Variants in NELL1 observed in about 807,000 individuals in gnomAD.
The protein encoded by NELL1 is protein kinase C-binding protein NELL1.
Under a neutral mutation model 107.4 loss-of-function variants are expected in NELL1, and 76 were observed. That is an observed-to-expected ratio of 0.71 (90% CI 0.59 to 0.86). The LOEUF is 0.86. Ranked by LOEUF, NELL1 falls within the 40% of genes least tolerant of loss-of-function variation. NELL1 has a pLI of 0.00. For synonymous variants in NELL1, 353 were observed against 341.2 expected, an observed-to-expected ratio of 1.03 and a Z score of -0.38; for missense variants, 1,024 against 1,005.5, an observed-to-expected ratio of 1.02 and a Z score of -0.25.
intron 14 of NELL1, among the ~76,000 whole-genome samples, chr11:21,295,004 A>T (rs1315269802): frequency 6.6e-6 from 1 of 152,126 alleles, no homozygotes; most frequent in African/African-American, 2.4e-5. Flanking sequence ...CTGATTTCAG[A>T]TGAAGTTTTC....
At chr11:21,462,919 T>A (rs1274018365) in intron 15 of NELL1, among the ~76,000 whole-genome samples, 2 of 152,024 alleles carry the variant, frequency 1.3e-5, no homozygotes, top group African/African-American at 4.8e-5. Flanking sequence ...TTGACTGTAA[T>A]GGCAGTTTGG....
chr11:21,465,557 A>G (rs2133878228), intron 15 of NELL1, among the ~76,000 whole-genome samples: 1 of 152,134 alleles, frequency 6.6e-6, no homozygotes, highest in South Asian at 2.1e-4. Flanking sequence ...ATCAATCGTC[A>G]CCTTATAAAA....
At chr11:20,704,790 C>G (rs964031294) in intron 2 of NELL1, among the ~76,000 whole-genome samples, 3 of 152,050 alleles carry the variant, frequency 2.0e-5, no homozygotes, top group African/African-American at 4.8e-5. Flanking sequence ...ATATGAAATT[C>G]TGGGTTGAAA....
chr11:21,102,753 C>A (rs572936890), intron 12 of NELL1, among the ~76,000 whole-genome samples: 1 of 152,124 alleles, frequency 6.6e-6, no homozygotes, highest in Admixed American at 6.6e-5. Context: ...TCCGTTCCAC[C>A]TTTGGGTTGT....
At chr11:21,084,998 G>T (rs1590621891) in intron 12 of NELL1, among the ~76,000 whole-genome samples, 1 of 152,118 alleles carries the variant, frequency 6.6e-6, no homozygotes, top group East Asian at 1.9e-4. Context: ...ATACAATGGG[G>T]GTAAGACATA....
chr11:21,222,464 G>T (rs933613432), intron 13 of NELL1, among the ~76,000 whole-genome samples: 2 of 151,948 alleles, frequency 1.3e-5, no homozygotes, highest in African/African-American at 4.8e-5. Context: ...CCAAAGTGCT[G>T]GGATTACAGG....
intron 11 of NELL1, among the ~76,000 whole-genome samples, chr11:20,949,272 T>G (rs1417716708): frequency 1.3e-5 from 2 of 152,202 alleles, no homozygotes; most frequent in African/African-American, 4.8e-5. Context: ...CTCTGGGCTT[T>G]GGTAAAATTC....
At chr11:20,991,699 G>A (rs760643309) in intron 12 of NELL1, among the ~76,000 whole-genome samples, 8 of 152,162 alleles carry the variant, frequency 5.3e-5, no homozygotes, top group Non-Finnish European at 8.8e-5. Flanking sequence ...GCCTCCTGGC[G>A]CTGATCCTGC....
At chr11:21,389,666 G>T (rs189728582) in intron 15 of NELL1, among the ~76,000 whole-genome samples, 45 of 151,834 alleles carry the variant, frequency 3.0e-4, no homozygotes, top group African/African-American at 1.1e-3. Flanking sequence ...TGTACAAATC[G>T]AATCAGACTA....
chr11:21,179,862 CTTTTTTT>C lies in NELL1; in HGVS notation c.1427-49451_1427-49445del, dbSNP rs1164420669. Among the ~76,000 whole-genome samples the C allele has an allele frequency of 2.9e-3, 223 of 75,692 alleles. 3 individuals carry two copies. The highest frequency in any genetic ancestry group is 0.013 in the Middle Eastern group (1 of 78). 49.7% of individuals were successfully genotyped at this position (75,692 alleles called of 152,430 possible). Reference sequence around the variant, plus strand: ...AAGGTTTAGGACAGAAATCAACACACTTTTTTTTTTTTTTTTTTTTTTTTTGTAAAGG... The same window carrying C: ...AAGGTTTAGGACAGAAATCAACACACTTTTTTTTTTTTTTTTTTGTAAAGG... On this transcript the variant is annotated intron_variant, in intron 13 of 19. Coordinates refer to ENST00000357134, the MANE Select transcript of NELL1 (RefSeq NM_006157.5).
chr11:20,940,951 C>T (rs147693889), intron 10 of NELL1, among the ~76,000 whole-genome samples: 20 of 152,174 alleles, frequency 1.3e-4, no homozygotes, highest in African/African-American at 4.6e-4. Flanking sequence ...CCAGTCTGGA[C>T]AACATGGTGA....
chr11:21,523,393 AT>A (rs903557031), intron 15 of NELL1, among the ~76,000 whole-genome samples: 3 of 151,928 alleles, frequency 2.0e-5, no homozygotes, highest in South Asian at 2.1e-4. Context: ...ACTATTTTGC[AT>A]TTTTTTAAAT....
chr11:21,018,554 A>G lies in NELL1; in HGVS notation c.1300+57994A>G, dbSNP rs529156855. 2.0e-5 allele frequency among the ~76,000 whole-genome samples: 3 copies of G among 152,192 alleles called. No homozygotes were observed. In the South Asian group the frequency reaches 6.2e-4, roughly 32 times the overall value. On this transcript the variant is annotated intron_variant, in intron 12 of 19. Coordinates refer to ENST00000357134, the MANE Select transcript of NELL1 (RefSeq NM_006157.5). ...AATATCTAATTCTTCAGAGAGAGAG[A>G]CAGAGCTATTTTCCTCTCTGTCAGT...
At chr11:20,848,105 C>T (rs1173247689) in intron 4 of NELL1, among the ~76,000 whole-genome samples, 1 of 152,150 alleles carries the variant, frequency 6.6e-6, no homozygotes, top group Non-Finnish European at 1.5e-5. Flanking sequence ...GAGTTCGTTC[C>T]ACTGGGAAGC....
chr11:20,894,569 T>C (rs1209871607), intron 5 of NELL1, among the ~76,000 whole-genome samples: 1 of 152,210 alleles, frequency 6.6e-6, no homozygotes, highest in African/African-American at 2.4e-5. Flanking sequence ...CATACTGAGA[T>C]GCTACTGAAT....
chr11:21,490,495 A>G (rs1854775699), intron 15 of NELL1, among the ~76,000 whole-genome samples: 1 of 149,982 alleles, frequency 6.7e-6, no homozygotes, highest in African/African-American at 2.4e-5. Context: ...TAGCCAAAGC[A>G]ATCTTGAACA....
intron 15 of NELL1, among the ~76,000 whole-genome samples, chr11:21,515,392 C>T (rs1453467131): frequency 6.6e-6 from 1 of 152,096 alleles, no homozygotes; most frequent in Admixed American, 6.6e-5. Flanking sequence ...GAATCAAATC[C>T]CACTGCAACA....
chr11:20,947,860 G>T (rs1361925480), intron 11 of NELL1, among the ~76,000 whole-genome samples: 2 of 152,062 alleles, frequency 1.3e-5, no homozygotes, highest in African/African-American at 4.8e-5. Flanking sequence ...GGTAGAGAAT[G>T]ATGTATGGTG....
intron 12 of NELL1, among the ~76,000 whole-genome samples, chr11:20,963,928 G>C (rs1851339568): frequency 6.6e-6 from 1 of 152,114 alleles, no homozygotes; most frequent in South Asian, 2.1e-4. Context: ...ACTTCCTAAG[G>C]TAGAAGCAGA....
Sources: allele counts gnomAD v4.1 joint callset (sites outside exome capture counted in the v4.1 genomes callset), GRCh38; gene constraint gnomAD v4.1.1; transcripts MANE v1.5; gene names NCBI Gene and HGNC (gene_info 2026-07-23, HGNC 2026-07-21).